Variants in FCHO1 observed in about 807,000 individuals in gnomAD.
FCHO1 encodes the protein FCH and mu domain containing endocytic adaptor 1, also known as F-BAR domain only protein 1.
FCHO1 carries 45 observed loss-of-function variants against 114.4 expected under a neutral mutation model. The ratio of observed to expected loss-of-function variants is 0.39; its 90% CI spans 0.31 to 0.50. The LOEUF (loss-of-function observed/expected upper bound fraction) is 0.50, where lower values mean the gene tolerates loss of function less well. FCHO1 is among the 20% of genes least tolerant of loss of function. The pLI is 0.77. For missense variants in FCHO1, 1,042 were observed against 1,209.6 expected (o/e 0.86, Z 2.06); for synonymous variants, 480 against 488.9 (o/e 0.98, Z 0.24).
At chr19:17,783,974 C>T (rs1460399874) in intron 24 of FCHO1, 129 bp from the exon 25 acceptor site, 2 of 1,179,014 alleles carry the variant, frequency 1.7e-6, no homozygotes, top group East Asian at 4.8e-5. Flanking sequence ...ACCACAACCA[C>T]CCAGGTAGGG....
intron 9 of FCHO1, among the ~76,000 whole-genome samples, chr19:17,771,647 C>T (rs1437967564): frequency 2.7e-5 from 4 of 150,810 alleles, no homozygotes; most frequent in South Asian, 4.2e-4. Flanking sequence ...CCAGCCTGGG[C>T]GACAGAGCGA....
Position 17,766,676 on chromosome 19 carries a change from G to T in FCHO1, c.202G>T (p.Ala68Ser), listed in dbSNP as rs985922422. Residue 68 changes from alanine (A) to serine (S), a missense_variant, in exon 7 of 29, where the codon GCC (alanine) becomes TCC (serine). This residue lies in a region of FCHO1 where 450 missense variants were observed against 564.1 expected (regional missense o/e 0.80). Coordinates refer to ENST00000596536, the MANE Select transcript of FCHO1 (RefSeq NM_015122.3). The part of the protein sequence containing the change: ...ASNGTPMGTF[A>S]PLWEVFRVSS... ...GACCTTGCCCGCCCCCAGGACCTTC[G>T]CCCCGCTCTGGGAGGTCTTCCGCGT... 1 of 1,614,112 alleles carries T rather than the reference G, an allele frequency of 6.2e-7. No homozygotes were observed. The highest frequency in any genetic ancestry group is 8.5e-7 in the Non-Finnish European group (1 of 1,180,036).
intron 24 of FCHO1, 44 bp downstream of exon 24, chr19:17,783,216 G>C (rs566025223): frequency 6.3e-7 from 1 of 1,589,540 alleles, no homozygotes; most frequent in Non-Finnish European, 8.6e-7. Context: ...AGGCTGCTGG[G>C]GATCAGGCTT....
chr19:17,772,444 C>T lies in FCHO1; in HGVS notation c.595-13C>T. 6.2e-7 allele frequency: 1 copy of T among 1,610,962 alleles called. No individual in the cohort carries two copies. Reference sequence around the variant, plus strand: ...TGACCTCCTTTCCACCTGCCTCTGCCCTCCTGCTTCAGCGCTTCCAAGCCA... The same window carrying T: ...TGACCTCCTTTCCACCTGCCTCTGCTCTCCTGCTTCAGCGCTTCCAAGCCA... On this transcript the variant is annotated splice_polypyrimidine_tract_variant and intron_variant, in intron 9 of 28. Coordinates refer to ENST00000596536, the MANE Select transcript of FCHO1 (RefSeq NM_015122.3).
At position 17,774,240 on chromosome 19, in the gene FCHO1, A is replaced by G. The variant is rs149097576; in HGVS notation, c.792A>G (p.Gly264=). 1.2e-6 allele frequency: 2 copies of G among 1,613,684 alleles called. No homozygotes were observed. The highest frequency in any genetic ancestry group is 1.7e-6 in the Non-Finnish European group (2 of 1,179,900). The change falls in exon 12 of 29, where the codon GGA becomes GGG. Residue 264 remains glycine, a splice_region_variant and synonymous_variant. Transcript: ENST00000596536. ...ESKGTGREKP[G]PLDFEAYSAA... The stretch of plus-strand genomic sequence containing the variant: ...TTGAGTTTCCGTCTCCTGTCTCAGG[A>G]CCTCTGGACTTCGAGGCATACAGTG...
At chr19:17,763,707 A>G (rs940340957) in intron 5 of FCHO1, among the ~76,000 whole-genome samples, 1 of 151,396 alleles carries the variant, frequency 6.6e-6, no homozygotes, top group Non-Finnish European at 1.5e-5. Flanking sequence ...ACAGGCATGC[A>G]CCACCACACC....
upstream of FCHO1, among the ~76,000 whole-genome samples, chr19:17,748,215 T>G (rs1229234729): frequency 1.3e-5 from 2 of 152,288 alleles, no homozygotes; most frequent in East Asian, 3.9e-4. Context: ...AGATTCCCTC[T>G]TCCCAGCTCC....
At chr19:17,759,630 G>A (rs915150975) in intron 4 of FCHO1, among the ~76,000 whole-genome samples, 12 of 151,934 alleles carry the variant, frequency 7.9e-5, no homozygotes, top group Middle Eastern at 3.2e-3. Flanking sequence ...GGAGAGAAGC[G>A]GGATCAGAAG....
intron 18 of FCHO1, 89 bp from the exon 19 acceptor site, chr19:17,778,048 A>G: frequency 1.1e-6 from 1 of 915,916 alleles, no homozygotes; most frequent in South Asian, 1.5e-5. Flanking sequence ...CAAAAAAAAA[A>G]AAGACTGGGA....
intron 23 of FCHO1, among the ~76,000 whole-genome samples, chr19:17,782,437 CAAGT>C (rs1314261670): frequency 6.6e-6 from 1 of 152,150 alleles, no homozygotes; most frequent in African/African-American, 2.4e-5. Flanking sequence ...CTCCTGGCCT[CAAGT>C]AATCCAGCTG....
intron 8 of FCHO1, 25 bp from the exon 9 acceptor site, chr19:17,770,767 C>T: frequency 1.2e-6 from 2 of 1,612,374 alleles, no homozygotes; most frequent in Non-Finnish European, 1.7e-6. Context: ...CCCTCCCATC[C>T]CCGTTTCCTC....
chr19:17,752,211 G>A (rs1307107800), intron 1 of FCHO1: 1 of 149,800 alleles, frequency 6.7e-6, no homozygotes, highest in African/African-American at 2.5e-5. Context: ...CACAGCTGAG[G>A]AGCTGGGCAT....
intron 19 of FCHO1, 122 bp from the exon 20 acceptor site, chr19:17,778,487 C>A: frequency 1.8e-6 from 2 of 1,136,104 alleles, no homozygotes; most frequent in East Asian, 2.6e-5. Context: ...TGGGGGCGTG[C>A]ACAAGGACTT....
At chr19:17,761,646 A>G (rs2086260462) in intron 4 of FCHO1, among the ~76,000 whole-genome samples, 1 of 149,318 alleles carries the variant, frequency 6.7e-6, no homozygotes, top group Non-Finnish European at 1.5e-5. Flanking sequence ...ATATATATAT[A>G]TATATATACA....
chr19:17,772,424 T>C, intron 9 of FCHO1, 33 bp from the exon 10 acceptor site: 1 of 1,560,490 alleles, frequency 6.4e-7, no homozygotes, highest in Non-Finnish European at 8.8e-7. Flanking sequence ...GGCCCTGACC[T>C]CCTTTCCACC....
At chr19:17,766,888 G>GTC in intron 7 of FCHO1, 78 bp downstream of exon 7, 3 of 1,483,300 alleles carry the variant, frequency 2.0e-6, no homozygotes, top group Non-Finnish European at 2.8e-6. Flanking sequence ...ATCTTCTGGG[G>GTC]CTTTATAACC....
intron 20 of FCHO1, among the ~76,000 whole-genome samples, chr19:17,779,280 G>A (rs2093063698): frequency 6.6e-6 from 1 of 152,104 alleles, no homozygotes; most frequent in Non-Finnish European, 1.5e-5. Flanking sequence ...AGAAGAGAAG[G>A]CAGGGACCAG....
chr19:17,776,307 C>G lies in FCHO1; in HGVS notation c.1207+36C>G. On this transcript the variant is annotated intron_variant, in intron 17 of 28. Coordinates refer to ENST00000596536, the MANE Select transcript of FCHO1 (RefSeq NM_015122.3). The surrounding 1 kb of genome is among the most constrained non-coding windows in gnomAD (Gnocchi z 4.4). ...TTTGGTCTTCAGAGTGGGGAGGATC[C>G]TAAGGAAGGGAGGCTATGGGTTTGG... is the stretch of plus-strand genomic sequence containing the variant. 2 of 1,613,714 alleles carry G rather than the reference C, an allele frequency of 1.2e-6. No individual in the cohort carries two copies. The highest frequency in any genetic ancestry group is 2.7e-5 in the African/African-American group (2 of 75,000).
upstream of FCHO1, among the ~76,000 whole-genome samples, chr19:17,750,830 T>C (rs2081748448): frequency 6.8e-6 from 1 of 148,026 alleles, no homozygotes; most frequent in Non-Finnish European, 1.5e-5. Flanking sequence ...TTCTTTTCTT[T>C]TTTTTTTTTT....
Sources: allele counts gnomAD v4.1 joint callset (sites outside exome capture counted in the v4.1 genomes callset), GRCh38; gene constraint gnomAD v4.1.1; regional missense constraint gnomAD v4.1.1; non-coding constraint Gnocchi (gnomAD v3.1); transcripts MANE v1.5; gene names NCBI Gene and HGNC (gene_info 2026-07-23, HGNC 2026-07-21).